The following RPS6KC1 variants were observed in gnomAD, a reference collection of about 807,000 sequenced individuals.
RPS6KC1 encodes inactive ribosomal protein S6 kinase delta-1.
In RPS6KC1, 54 loss-of-function variants were observed where a neutral mutation model predicts 103.8. That is an observed-to-expected ratio of 0.52 (90% CI 0.42 to 0.65). RPS6KC1 has a LOEUF of 0.65. RPS6KC1 is among the 30% of genes least tolerant of loss of function. The pLI, the probability that RPS6KC1 is intolerant of heterozygous loss-of-function variation, is 0.00. For missense variants in RPS6KC1, 1,151 were observed against 1,253.8 expected (o/e 0.92, Z 1.24); for synonymous variants, 439 against 438.7 (o/e 1.00, Z -0.01).
chr1:213,709,566 A>G, the RPS6KC1 span, among the ~76,000 whole-genome samples: 1 of 151,478 alleles, frequency 6.6e-6, no homozygotes, highest in East Asian at 1.9e-4. Flanking sequence ...CTCTGCTCTG[A>G]TCTTAGTTAT....
chr1:213,859,243 A>C, the RPS6KC1 span, among the ~76,000 whole-genome samples: 1 of 152,192 alleles, frequency 6.6e-6, no homozygotes, highest in Non-Finnish European at 1.5e-5. Context: ...GGGTACTTGC[A>C]ATGTATTGTG....
At position 213,077,744 on chromosome 1, in the gene RPS6KC1, C is replaced by G; in HGVS notation, c.190C>G (p.Leu64Val). The G allele has an allele frequency of 2.0e-6, 3 of 1,536,942 alleles. No homozygotes were observed. Among genetic ancestry groups the G allele is most frequent in the Non-Finnish European group, 2.7e-6 (3 of 1,122,932 alleles). The change falls in exon 3 of 15, where the codon CTA becomes GTA. Residue 64 changes from leucine (L) to valine (V), a missense_variant. Leu to Val is a conservative substitution (Grantham distance 32). Transcript: ENST00000366960. ...YSDFKKLHKELWQIHKNLFRH... is the reference protein window; with the variant it reads ...YSDFKKLHKEVWQIHKNLFRH... ...TGATTTTAAGAAACTACACAAAGAA[C>G]TATGGCAAATTCACAAAAACTTATT... is the stretch of plus-strand genomic sequence containing the variant.
chr1:213,115,697 A>G (rs1414824466), intron 4 of RPS6KC1, among the ~76,000 whole-genome samples: 2 of 151,726 alleles, frequency 1.3e-5, no homozygotes, highest in African/African-American at 2.4e-5. Context: ...ATTTAGTGCT[A>G]TAAATTTCCC....
chr1:213,711,161 G>A, the RPS6KC1 span, among the ~76,000 whole-genome samples: 1 of 152,140 alleles, frequency 6.6e-6, no homozygotes, highest in African/African-American at 2.4e-5. Context: ...GCAATCAAAC[G>A]TAGATTTGGT....
the RPS6KC1 span, among the ~76,000 whole-genome samples, chr1:213,825,958 G>A: frequency 6.6e-6 from 1 of 152,030 alleles, no homozygotes; most frequent in Admixed American, 6.6e-5. Flanking sequence ...CTTCGGGAAG[G>A]GGCTAATTGT....
chr1:213,431,184 A>G, the RPS6KC1 span, among the ~76,000 whole-genome samples: 2 of 152,196 alleles, frequency 1.3e-5, no homozygotes, highest in Non-Finnish European at 1.5e-5. Context: ...CCAGCACTGC[A>G]TGGGTGCTTA....
At chr1:213,486,290 A>G in the RPS6KC1 span, among the ~76,000 whole-genome samples, 1 of 152,266 alleles carries the variant, frequency 6.6e-6, no homozygotes, top group Non-Finnish European at 1.5e-5. Context: ...GTTCAAGTTT[A>G]TCAAATATGT....
the RPS6KC1 span, among the ~76,000 whole-genome samples, chr1:213,349,429 T>G: frequency 5.3e-5 from 8 of 152,174 alleles, no homozygotes; most frequent in Non-Finnish European, 1.0e-4. Context: ...CTATATGATA[T>G]GATACTTGGG....
the RPS6KC1 span, among the ~76,000 whole-genome samples, chr1:213,480,401 G>A: frequency 2.6e-5 from 4 of 151,970 alleles, no homozygotes; most frequent in African/African-American, 9.7e-5. Flanking sequence ...ATTCTGTCTT[G>A]TTTTTGGTTA....
At chr1:213,601,562 C>T in the RPS6KC1 span, among the ~76,000 whole-genome samples, 59 of 151,870 alleles carry the variant, frequency 3.9e-4, no homozygotes, top group African/African-American at 1.3e-3. Flanking sequence ...GGACTAGATT[C>T]TGTGCTGGGA....
chr1:213,696,502 CAAAAAAAAAAAAAA>C, the RPS6KC1 span, among the ~76,000 whole-genome samples: 8 of 120,934 alleles, frequency 6.6e-5, no homozygotes, highest in South Asian at 2.5e-4. Flanking sequence ...AACTCCGTCT[CAAAAAAAAAAAAAA>C]AAAAAAAAAA....
chr1:213,652,995 T>G, the RPS6KC1 span, among the ~76,000 whole-genome samples: 1 of 152,254 alleles, frequency 6.6e-6, no homozygotes, highest in Non-Finnish European at 1.5e-5. Flanking sequence ...TAGCAAGATG[T>G]CTGGTACATA....
In RPS6KC1 at chr1:213,184,749, A is replaced by G. The variant is rs533144315; in HGVS notation, c.1044+8257A>G. ...ATTTTCTCAATTTCTTCATTGACCC[A>G]TTGGTCAGTCAGGAGCATATTGTTT... On this transcript the variant is annotated intron_variant, in intron 8 of 14. Coordinates refer to ENST00000366960, the MANE Select transcript of RPS6KC1 (RefSeq NM_012424.6). Among the ~76,000 whole-genome samples the G allele has an allele frequency of 2.0e-5, 3 of 152,158 alleles. No individual in the cohort carries two copies. The East Asian group carries it at 5.8e-4, about 29-fold the overall frequency.
chr1:213,493,658 T>A, the RPS6KC1 span, among the ~76,000 whole-genome samples: 2 of 152,226 alleles, frequency 1.3e-5, no homozygotes, highest in Non-Finnish European at 2.9e-5. Flanking sequence ...GGAGTTGATA[T>A]CTTCTCTTCT....
intron 1 of RPS6KC1, among the ~76,000 whole-genome samples, chr1:213,066,379 G>C (rs2078333936): frequency 6.6e-6 from 1 of 152,202 alleles, no homozygotes; most frequent in African/African-American, 2.4e-5. Context: ...AGTAGCTTTT[G>C]ATTTGATTTT....
chr1:213,679,932 G>C, the RPS6KC1 span, among the ~76,000 whole-genome samples: 1 of 152,192 alleles, frequency 6.6e-6, no homozygotes, highest in Admixed American at 6.5e-5. Context: ...TGGCATGTAA[G>C]ACTCCATAGT....
the RPS6KC1 span, among the ~76,000 whole-genome samples, chr1:213,602,078 CTCTT>C: frequency 0.013 from 514 of 38,540 alleles, 82 homozygotes; most frequent in African/African-American, 0.025. Context: ...TTCTTTCTTT[CTCTT>C]TCTTTCTTTC....
At chr1:213,301,407 G>A in the RPS6KC1 span, among the ~76,000 whole-genome samples, 1 of 152,202 alleles carries the variant, frequency 6.6e-6, no homozygotes, top group South Asian at 2.1e-4. Flanking sequence ...ATGGACAACA[G>A]TCAGCCAGTC....
chr1:213,198,839 T>G (rs978408688), intron 8 of RPS6KC1, among the ~76,000 whole-genome samples: 2 of 152,312 alleles, frequency 1.3e-5, no homozygotes, highest in South Asian at 2.1e-4. Context: ...ACTCATTATA[T>G]GAGGCCAGCA....
Sources: gnomAD v4.1 joint callset for allele counts (sites outside exome capture counted in the v4.1 genomes callset) on GRCh38, gnomAD v4.1.1 for gene constraint, MANE v1.5 for transcripts, NCBI Gene and HGNC (gene_info 2026-07-23, HGNC 2026-07-21) for gene names.